LRBA: variants seen among roughly 807,000 people sequenced by gnomAD.
LRBA encodes LPS responsive beige-like anchor protein, also known as lipopolysaccharide-responsive and beige-like anchor protein.
In LRBA, 176 loss-of-function variants were observed where a neutral mutation model predicts 330.0. That is an observed-to-expected ratio of 0.53 (90% CI 0.47 to 0.60). LRBA has a LOEUF of 0.60. Among genes scored for constraint, LRBA ranks in the 20% least tolerant of loss-of-function variants. LRBA has a pLI of 0.00. For missense variants in LRBA, 3,259 were observed against 3,444.8 expected (o/e 0.95, Z 1.35); for synonymous variants, 1,230 against 1,193.0 (o/e 1.03, Z -0.64).
At chr4:150,604,092 T>C (rs1774383300) in intron 37 of LRBA, among the ~76,000 whole-genome samples, 1 of 152,160 alleles carries the variant, frequency 6.6e-6, no homozygotes, top group African/African-American at 2.4e-5. Context: ...CAAATTTGAC[T>C]ATTATTTTTC....
intron 40 of LRBA, among the ~76,000 whole-genome samples, chr4:150,539,748 C>T (rs778707627): frequency 3.3e-5 from 5 of 152,128 alleles, no homozygotes; most frequent in Non-Finnish European, 7.3e-5. Context: ...ATCTGGAGAA[C>T]AGTAACTGAG....
chr4:150,430,794 A>C (rs1053151216), intron 46 of LRBA, among the ~76,000 whole-genome samples: 2 of 152,136 alleles, frequency 1.3e-5, no homozygotes, highest in African/African-American at 2.4e-5. Flanking sequence ...AGATCCATTT[A>C]CTACTGTCCC....
intron 2 of LRBA, among the ~76,000 whole-genome samples, chr4:151,006,565 T>A (rs889221162): frequency 6.6e-6 from 1 of 152,040 alleles, no homozygotes; most frequent in Non-Finnish European, 1.5e-5. Flanking sequence ...AAAACTATTT[T>A]AAAATATTTT....
intron 44 of LRBA, among the ~76,000 whole-genome samples, chr4:150,442,691 A>G (rs1204322110): frequency 6.6e-6 from 1 of 152,220 alleles, no homozygotes; most frequent in African/African-American, 2.4e-5. Flanking sequence ...GTAAGAGGAA[A>G]AAACTAGTAA....
intron 46 of LRBA, among the ~76,000 whole-genome samples, chr4:150,417,841 T>C (rs911811988): frequency 3.3e-5 from 5 of 152,166 alleles, no homozygotes; most frequent in Admixed American, 3.3e-4. Flanking sequence ...TGACATTTCA[T>C]AGCAATTGTT....
chr4:150,939,076 GCCTATT>G (rs1735402366), intron 2 of LRBA, among the ~76,000 whole-genome samples: 1 of 152,160 alleles, frequency 6.6e-6, no homozygotes, highest in Non-Finnish European at 1.5e-5. Flanking sequence ...CCACAGAACA[GCCTATT>G]CCCTGACTAT....
rs542721314 is a variant in LRBA at position 150,730,355 on chromosome 4, A to G, written c.5754+4903T>C. Among the ~76,000 whole-genome samples the G allele has an allele frequency of 1.1e-3, 170 of 152,308 alleles. 2 individuals carry two copies. The South Asian group carries it at 0.011, about 10-fold the overall frequency. ...CAAAATATTTGAATAGACGTTTCTC[A>G]ACAGAAGACATATAAATGGCAAACA... On this transcript the variant is annotated intron_variant, in intron 36 of 56. Transcript: ENST00000651943.
intron 40 of LRBA, among the ~76,000 whole-genome samples, chr4:150,525,565 G>C (rs1282619249): frequency 1.3e-5 from 2 of 152,050 alleles, no homozygotes; most frequent in Admixed American, 1.3e-4. Flanking sequence ...GTTCACTTTA[G>C]CTGATGTTTC....
At chr4:150,536,314 T>C (rs1466176051) in intron 40 of LRBA, among the ~76,000 whole-genome samples, 1 of 152,240 alleles carries the variant, frequency 6.6e-6, no homozygotes, top group Non-Finnish European at 1.5e-5. Flanking sequence ...CTATTATTAA[T>C]AATTTCATTA....
chr4:150,372,848 C>G (rs1223281488), intron 47 of LRBA, among the ~76,000 whole-genome samples: 2 of 150,860 alleles, frequency 1.3e-5, no homozygotes, highest in Admixed American at 1.3e-4. Context: ...TACAGCTGAC[C>G]TGTGTAAGCA....
intron 40 of LRBA, among the ~76,000 whole-genome samples, chr4:150,518,856 A>G (rs1444862473): frequency 6.6e-6 from 1 of 152,104 alleles, no homozygotes; most frequent in Non-Finnish European, 1.5e-5. Context: ...CCATAGGCCT[A>G]ATGTAACAAC....
chr4:150,559,310 C>A (rs1767743476), intron 40 of LRBA, among the ~76,000 whole-genome samples: 1 of 151,476 alleles, frequency 6.6e-6, no homozygotes, highest in Non-Finnish European at 1.5e-5. Flanking sequence ...TGCCTGTAAT[C>A]CCAGCACGTT....
At chr4:150,739,620 C>T (rs1192597948) in intron 35 of LRBA, among the ~76,000 whole-genome samples, 2 of 152,136 alleles carry the variant, frequency 1.3e-5, no homozygotes, top group African/African-American at 4.8e-5. Context: ...AGGAATAACA[C>T]TTCAATAATT....
intron 36 of LRBA, among the ~76,000 whole-genome samples, chr4:150,723,110 TGAAAG>T (rs1582150450): frequency 1.3e-5 from 2 of 152,064 alleles, no homozygotes; most frequent in East Asian, 3.9e-4. Context: ...TAGATAAACT[TGAAAG>T]GAAGTCTAGG....
intron 47 of LRBA, among the ~76,000 whole-genome samples, chr4:150,380,821 CA>C (rs11301275): frequency 0.87 from 129,255 of 148,338 alleles, 57,049 homozygotes; most frequent in Non-Finnish European, 0.96. Context: ...ACTAAAAATA[CA>C]AAAAAAAAAA....
At chr4:150,766,713 C>T (rs1191184552) in intron 34 of LRBA, among the ~76,000 whole-genome samples, 1 of 152,112 alleles carries the variant, frequency 6.6e-6, no homozygotes, top group African/African-American at 2.4e-5. Flanking sequence ...TACAGTGATG[C>T]AAAATGCATA....
intron 2 of LRBA, among the ~76,000 whole-genome samples, chr4:150,948,270 G>A (rs187477440): frequency 3.0e-4 from 46 of 152,130 alleles, no homozygotes; most frequent in African/African-American, 1.0e-3. Flanking sequence ...AGGAACTGGT[G>A]GAGGGGCAGA....
chr4:150,346,544 G>C (rs971126886), intron 48 of LRBA, among the ~76,000 whole-genome samples: 3 of 151,762 alleles, frequency 2.0e-5, no homozygotes, highest in Non-Finnish European at 4.4e-5. Flanking sequence ...GGCAGATCAT[G>C]AGGTCAGGAG....
intron 17 of LRBA, among the ~76,000 whole-genome samples, chr4:150,889,066 C>CA (rs1285038541): frequency 5.9e-5 from 9 of 152,196 alleles, no homozygotes; most frequent in Non-Finnish European, 1.3e-4. Flanking sequence ...CAAAGGCAGT[C>CA]AGCCAGCCTA....
Sources: allele counts gnomAD v4.1 joint callset (sites outside exome capture counted in the v4.1 genomes callset), GRCh38; gene constraint gnomAD v4.1.1; transcripts MANE v1.5; gene names NCBI Gene and HGNC (gene_info 2026-07-23, HGNC 2026-07-21).